Variants in KIF5C observed in about 807,000 individuals in gnomAD.
KIF5C encodes the protein kinesin family member 5C, also known as kinesin heavy chain isoform 5C.
KIF5C carries 18 observed loss-of-function variants against 125.2 expected under a neutral mutation model. The observed-to-expected ratio is 0.14, with a 90% CI of 0.10 to 0.21. The LOEUF is 0.21. Among genes scored for constraint, KIF5C ranks in the 10% least tolerant of loss-of-function variants. KIF5C has a pLI of 1.00. For synonymous variants in KIF5C, 405 were observed against 434.0 expected, an observed-to-expected ratio of 0.93 and a Z score of 0.83; for missense variants, 780 against 1,183.8, an observed-to-expected ratio of 0.66 and a Z score of 5.01.
At chr2:148,923,460 G>T (rs1008279745) in intron 2 of KIF5C, among the ~76,000 whole-genome samples, 1 of 152,158 alleles carries the variant, frequency 6.6e-6, no homozygotes, top group Non-Finnish European at 1.5e-5. Context: ...TGAATTAATA[G>T]TATGGACCTA....
rs750592416 is a variant in KIF5C, at chr2:148,950,300, C to A, written c.820-14C>A. 6.8e-6 allele frequency: 11 copies of A among 1,610,426 alleles called. No individual in the cohort carries two copies. The highest frequency in any genetic ancestry group is 8.5e-6 in the Non-Finnish European group (10 of 1,177,968). On this transcript the variant is annotated splice_polypyrimidine_tract_variant and intron_variant, in intron 9 of 25. Transcript: ENST00000435030. ...TGGGCTGTCAAAACCAATACTTTTT[C>A]TTTTCCTAAATAGAAAACACATGTG...
rs554845148 is a variant in KIF5C, at chr2:149,019,945, C to T, written c.*8-3133C>T. Among the ~76,000 whole-genome samples, 163 of 152,290 alleles carry T rather than the reference C, an allele frequency of 1.1e-3. 2 individuals are homozygous for T. Among genetic ancestry groups the T allele is most frequent in the African/African-American group, 3.5e-3 (147 of 41,550 alleles). ...ACACGTTGCCACTTTGAATTACCAT[C>T]TCCAGTTTGGCAGAGTGCCAGGGGA... is the stretch of plus-strand genomic sequence containing the variant. On this transcript the variant is annotated intron_variant, in intron 25 of 25. Transcript: ENST00000435030.
At chr2:148,931,918 T>C (rs1682194021) in intron 3 of KIF5C, among the ~76,000 whole-genome samples, 1 of 152,208 alleles carries the variant, frequency 6.6e-6, no homozygotes, top group African/African-American at 2.4e-5. Context: ...ATTGTGACTT[T>C]TGCAGATCAC....
At chr2:149,021,334 C>CT (rs1293544190) in intron 25 of KIF5C, among the ~76,000 whole-genome samples, 1 of 152,098 alleles carries the variant, frequency 6.6e-6, no homozygotes, top group East Asian at 1.9e-4. Context: ...AACCAAAGTG[C>CT]TGGGATTATA....
intron 15 of KIF5C, among the ~76,000 whole-genome samples, chr2:148,984,284 C>T (rs1460760983): frequency 6.6e-6 from 1 of 152,218 alleles, no homozygotes; most frequent in Non-Finnish European, 1.5e-5. Flanking sequence ...CACCTGGGAG[C>T]TTATTGGAAC....
chr2:149,022,470 G>GA (rs112003256), intron 25 of KIF5C, among the ~76,000 whole-genome samples: 3,251 of 148,128 alleles, frequency 0.022, 80 homozygotes, highest in Middle Eastern at 0.059. Flanking sequence ...ACTATTGTGT[G>GA]AAAAAAAAAA....
chr2:148,933,459 A>G (rs1309639752), intron 3 of KIF5C, among the ~76,000 whole-genome samples: 1 of 151,460 alleles, frequency 6.6e-6, no homozygotes, highest in Admixed American at 6.6e-5. Context: ...CCCCCCCCAC[A>G]TACATCGTAA....
At chr2:148,972,329 A>C (rs1384811035) in intron 11 of KIF5C, among the ~76,000 whole-genome samples, 1 of 152,152 alleles carries the variant, frequency 6.6e-6, no homozygotes, top group Non-Finnish European at 1.5e-5. Context: ...TGAGGCTTGG[A>C]ATACTGCAGA....
rs1681976492 is a variant in KIF5C, at chr2:149,005,394, C to A, written c.2375C>A (p.Ser792Tyr). 6.2e-7 allele frequency: 1 copy of A among 1,613,360 alleles called. No homozygotes were observed. ...EDLKGLEETV[S>Y]RELQTLHNLR... is the part of the protein sequence containing the mutation. The stretch of plus-strand genomic sequence containing the variant: ...GTGGCCTTTAAAAATCTCTTCCAGT[C>A]TAGAGAATTGCAGACACTGCACAAC... The change falls in exon 22 of 26, where the codon TCT (serine) becomes TAT (tyrosine). Residue 792 changes from serine (S) to tyrosine (Y), a missense_variant and splice_region_variant. Physicochemically the swap from Ser to Tyr is moderately radical, Grantham distance 144 (BLOSUM62 -2). Coordinates refer to ENST00000435030, the MANE Select transcript of KIF5C (RefSeq NM_004522.3).
chr2:148,938,136 T>A (rs1378515682), intron 4 of KIF5C, among the ~76,000 whole-genome samples: 1 of 152,162 alleles, frequency 6.6e-6, no homozygotes, highest in Non-Finnish European at 1.5e-5. Context: ...GAACACCTCT[T>A]TTGCAAGTGG....
At chr2:148,974,508 T>C (rs1681008582) in intron 12 of KIF5C, among the ~76,000 whole-genome samples, 1 of 152,218 alleles carries the variant, frequency 6.6e-6, no homozygotes, top group Non-Finnish European at 1.5e-5. Flanking sequence ...GCTTGCACTA[T>C]AACCAAAGCT....
chr2:148,972,661 C>G (rs1680948734), intron 11 of KIF5C, among the ~76,000 whole-genome samples: 1 of 152,194 alleles, frequency 6.6e-6, no homozygotes, highest in African/African-American at 2.4e-5. Context: ...TCTAGATTGG[C>G]TGCTTTTCTT....
chr2:148,950,218 GT>G (rs1682625731), intron 9 of KIF5C, 95 bp from the exon 10 acceptor site: 1 of 1,519,748 alleles, frequency 6.6e-7, no homozygotes, highest in African/African-American at 1.4e-5. Context: ...GTTTTACTCG[GT>G]TTCTAAGCTC....
At chr2:148,887,185 T>C (rs1681551919) in intron 1 of KIF5C, among the ~76,000 whole-genome samples, 1 of 152,194 alleles carries the variant, frequency 6.6e-6, no homozygotes. Context: ...GTTGAAATGA[T>C]AGTATTTTGG....
chr2:148,920,473 A>G (rs1477586497), intron 1 of KIF5C, among the ~76,000 whole-genome samples: 1 of 152,206 alleles, frequency 6.6e-6, no homozygotes, highest in African/African-American at 2.4e-5. Context: ...TCACTAACTG[A>G]AGGAAACTTA....
In KIF5C at chr2:148,950,391, C is replaced by T. The variant is rs748761749; in HGVS notation, c.897C>T (p.Thr299=). ...QDSLGGNCRT[T]IVICCSPSVF... is the part of the protein sequence containing the mutation. ...CTTTGGGTGGGAACTGCAGAACCAC[C>T]ATCGTCATTTGCTGTTCTCCTTCTG... Residue 299 remains threonine (T), a synonymous_variant, in exon 10 of 26, where the codon ACC becomes ACT. Coordinates refer to ENST00000435030, the MANE Select transcript of KIF5C (RefSeq NM_004522.3). 2 of 1,613,860 alleles carry T rather than the reference C, an allele frequency of 1.2e-6. No individual in the cohort carries two copies. The highest frequency in any genetic ancestry group is 3.3e-5 in the Admixed American group (2 of 59,994).
At chr2:148,976,743 T>A (rs1328190650) in intron 12 of KIF5C, among the ~76,000 whole-genome samples, 1 of 137,438 alleles carries the variant, frequency 7.3e-6, no homozygotes, top group Non-Finnish European at 1.5e-5. Flanking sequence ...CTCAGCTAAT[T>A]TTTTTTTTTG....
rs563070142 is a variant in KIF5C at position 148,902,268 on chromosome 2, G to A, written c.127-19869G>A. On this transcript the variant is annotated intron_variant, in intron 1 of 25. Coordinates refer to ENST00000435030, the MANE Select transcript of KIF5C (RefSeq NM_004522.3). ...CCATTTCTTTGAGTCCTGGGTTCTC[G>A]CCCTGAATGGCTCAACAGGGGGAAA... Among the ~76,000 whole-genome samples the A allele has an allele frequency of 4.6e-5, 7 of 152,160 alleles. No individual in the cohort carries two copies. In the East Asian group the frequency reaches 5.8e-4, roughly 13 times the overall value.
intron 24 of KIF5C, among the ~76,000 whole-genome samples, 162 bp from the exon 25 acceptor site, chr2:149,011,408 T>C (rs937428518): frequency 3.9e-5 from 6 of 152,268 alleles, no homozygotes; most frequent in African/African-American, 1.4e-4. Context: ...CTAAGTATAC[T>C]GATAGTTTTC....
Sources: allele counts gnomAD v4.1 joint callset (sites outside exome capture counted in the v4.1 genomes callset), GRCh38; gene constraint gnomAD v4.1.1; transcripts MANE v1.5; gene names NCBI Gene and HGNC (gene_info 2026-07-23, HGNC 2026-07-21).